EIF3E: variants seen among roughly 807,000 people sequenced by gnomAD.
The protein encoded by EIF3E is eIF-3 p48.
Under a neutral mutation model 59.3 loss-of-function variants are expected in EIF3E, and 25 were observed. That is an observed-to-expected ratio of 0.42 (90% CI 0.31 to 0.59). The LOEUF is 0.59. EIF3E is among the 20% of genes least tolerant of loss of function. The pLI is 0.15. For synonymous variants in EIF3E, 176 were observed against 170.2 expected (o/e 1.03, Z -0.26); for missense variants, 317 against 534.3 (o/e 0.59, Z 4.01).
At chr8:108,228,967 A>ATTT in intron 6 of EIF3E, 103 bp downstream of exon 6, 1 of 1,060,452 alleles carries the variant, frequency 9.4e-7, no homozygotes, top group Non-Finnish European at 1.3e-6. Flanking sequence ...GCTAATATGA[A>ATTT]TTTTTTTTTT....
chr8:108,217,792 T>C (rs1399911861), intron 7 of EIF3E, among the ~76,000 whole-genome samples: 3 of 152,194 alleles, frequency 2.0e-5, no homozygotes, highest in East Asian at 1.9e-4. Context: ...TACTAAGCGA[T>C]GACTTTCATT....
rs1013107036 is a variant in EIF3E, at chr8:108,217,588, A to G, written c.723-128T>C. 3 of 689,476 alleles carry G rather than the reference A, an allele frequency of 4.4e-6. No individual in the cohort carries two copies. In the African/African-American group the frequency reaches 5.6e-5, roughly 13 times the overall value. 42.7% of individuals were successfully genotyped at this position (689,476 alleles called of 1,614,324 possible). A position where few individuals can be genotyped will look rare whatever the true frequency, so the allele number is the denominator to read the frequency against. On this transcript the variant is annotated intron_variant, in intron 7 of 12. Coordinates refer to ENST00000220849, the MANE Select transcript of EIF3E (RefSeq NM_001568.3). ...CAAACACTTAAGAATGAGTATTATA[A>G]GAAAATCTCCTCCAAGGAAATTTAA...
rs183105749 is a variant in EIF3E, at chr8:108,240,215, G to T, written c.206-140C>A. 165 of 725,242 alleles carry T rather than the reference G, an allele frequency of 2.3e-4. No individual in the cohort carries two copies. The African/African-American group carries it at 2.6e-3, about 11-fold the overall frequency. The allele number at this position is 725,242 out of a possible 1,614,324, so 44.9% of individuals were successfully genotyped here. The stretch of plus-strand genomic sequence containing the variant: ...CCCCCAATATATTCATATGCCATGG[G>T]CTACTCAGTCAGAAATGTCCCCGAT... On this transcript the variant is annotated intron_variant, in intron 2 of 12. Coordinates refer to ENST00000220849, the MANE Select transcript of EIF3E (RefSeq NM_001568.3).
intron 10 of EIF3E, among the ~76,000 whole-genome samples, chr8:108,214,134 T>C (rs1815261286): frequency 6.6e-6 from 1 of 152,196 alleles, no homozygotes; most frequent in Admixed American, 6.5e-5. Context: ...TTTTCCATCT[T>C]TCAACATTTT....
chr8:108,224,691 A>T (rs1027711609), intron 7 of EIF3E, among the ~76,000 whole-genome samples: 3 of 151,610 alleles, frequency 2.0e-5, no homozygotes, highest in Non-Finnish European at 4.4e-5. Flanking sequence ...TGTTCAAAGA[A>T]AATAGTTCCA....
chr8:108,245,905 G>T (rs1338296247), intron 1 of EIF3E, among the ~76,000 whole-genome samples: 1 of 152,112 alleles, frequency 6.6e-6, no homozygotes, highest in Admixed American at 6.5e-5. Context: ...CAATGTAATA[G>T]TCTCCCCTTA....
At chr8:108,234,734 G>A (rs1815692878) in intron 5 of EIF3E, 1 of 260,264 alleles carries the variant, frequency 3.8e-6, no homozygotes, top group East Asian at 7.9e-5. Flanking sequence ...ATACGATTCT[G>A]TTAATGCTAA....
At chr8:108,239,733 A>G (rs951117113) in intron 3 of EIF3E, among the ~76,000 whole-genome samples, 1 of 152,194 alleles carries the variant, frequency 6.6e-6, no homozygotes. Flanking sequence ...ATCAGTATAG[A>G]TAAGTACTAA....
intron 10 of EIF3E, among the ~76,000 whole-genome samples, chr8:108,209,098 T>A (rs200013877): frequency 7.3e-5 from 11 of 151,518 alleles, no homozygotes; most frequent in Admixed American, 3.9e-4. Context: ...AAATTACAAA[T>A]AGAGTTATTT....
chr8:108,216,380 G>A (rs1330071171), intron 9 of EIF3E, 32 bp downstream of exon 9: 20 of 1,506,172 alleles, frequency 1.3e-5, no homozygotes, highest in Admixed American at 1.9e-5. Context: ...TTTAAGAATA[G>A]TATTAGTTTA....
At chr8:108,211,696 C>T (rs1000052394) in intron 10 of EIF3E, among the ~76,000 whole-genome samples, 32 of 152,098 alleles carry the variant, frequency 2.1e-4, no homozygotes, top group African/African-American at 6.3e-4. Context: ...TGTAATTACA[C>T]GCCTAAAAAA....
At position 108,217,327 on chromosome 8, in the gene EIF3E, GT is replaced by G; in HGVS notation, c.849+6del. 1 of 1,528,036 alleles carries G rather than the reference GT, an allele frequency of 6.5e-7. No individual in the cohort carries two copies. The highest frequency in any genetic ancestry group is 1.3e-5 in the South Asian group (1 of 79,144). 94.7% of individuals were successfully genotyped at this position (1,528,036 alleles called of 1,614,324 possible). On this transcript the variant is annotated splice_donor_region_variant and intron_variant, in intron 8 of 12. Coordinates refer to ENST00000220849, the MANE Select transcript of EIF3E (RefSeq NM_001568.3). ...AAAAAAAAAATCAATATATATTTTA[GT>G]TTTACCTGTTGAATAACTTTAACTA... is the stretch of plus-strand genomic sequence containing the variant.
rs769102507 is a variant in EIF3E at position 108,214,586 on chromosome 8, ATCAAATCACGG to A, written c.1061+10_1061+20del. On this transcript the variant is annotated intron_variant, in intron 10 of 12. Transcript: ENST00000220849. ...AGGAATTTTAAAGTAGAAAATCCAAATCAAATCACGGTGTTCTTACTTAATGCTGATACACT... is the reference window on the plus strand; with the variant it reads ...AGGAATTTTAAAGTAGAAAATCCAAATGTTCTTACTTAATGCTGATACACT... 1.3e-6 allele frequency: 2 copies of A among 1,533,788 alleles called. No individual in the cohort carries two copies. The highest frequency in any genetic ancestry group is 2.8e-5 in the African/African-American group (2 of 71,640).
intron 1 of EIF3E, chr8:108,242,591 ATGC>A (rs1815859402): frequency 8.6e-7 from 1 of 1,168,092 alleles, no homozygotes; most frequent in Non-Finnish European, 1.1e-6. Flanking sequence ...ATCCAAGAAA[ATGC>A]CACAATATTT....
chr8:108,217,360 T>A lies in EIF3E; in HGVS notation c.823A>T (p.Lys275Ter). 1 of 1,569,448 alleles carries A rather than the reference T, an allele frequency of 6.4e-7. No individual in the cohort carries two copies. Among genetic ancestry groups the A allele is most frequent in the Admixed American group, 1.8e-5 (1 of 55,326 alleles). ...KDVRKRRQVL[K>*]DLVKVIQQES... ...TGTTGAATAACTTTAACTAGATCTT[T>A]TAGAACCTGCCGACGTTTTCGAACA... Residue 275 changes from lysine (K) to a stop codon, truncating the protein, a stop_gained, in exon 8 of 13, where the codon AAA becomes TAA. Transcript: ENST00000220849. LOFTEE classifies it high-confidence loss of function.
intron 5 of EIF3E, among the ~76,000 whole-genome samples, chr8:108,233,840 A>C (rs1815672092): frequency 3.6e-5 from 1 of 27,974 alleles, no homozygotes; most frequent in Non-Finnish European, 8.1e-5. Context: ...CTGTCTCAAA[A>C]AAAAAAAAAA....
rs765274205 is a variant in EIF3E at position 108,203,045 on chromosome 8, A to G, written c.1237T>C (p.Phe413Leu). The change falls in exon 12 of 13, where the codon TTT (phenylalanine) becomes CTT (leucine). Residue 413 changes from phenylalanine (F) to leucine (L), a missense_variant. By Grantham distance (22) the Phe-to-Leu change is conservative. Transcript: ENST00000220849. ...TTCATGGCCAACATCTGGCTTCTAA[A>G]GGAAAGGCTTTTGGTCTTTTCAATC... The part of the protein sequence containing the change: ...QVIEKTKSLS[F>L]RSQMLAMNIE... 2.0e-5 allele frequency: 33 copies of G among 1,612,884 alleles called. No individual in the cohort carries two copies. Among genetic ancestry groups the G allele is most frequent in the Non-Finnish European group, 2.8e-5 (33 of 1,179,170 alleles).
At chr8:108,246,544 T>C (rs1397104857) in intron 1 of EIF3E, among the ~76,000 whole-genome samples, 1 of 152,290 alleles carries the variant, frequency 6.6e-6, no homozygotes, top group South Asian at 2.1e-4. Context: ...ATTTCTCAGT[T>C]ATATGGCCCT....
At position 108,211,854 on chromosome 8, in the gene EIF3E, T is replaced by C. The variant is rs545489241; in HGVS notation, c.1061+2753A>G. ...GTTTAGGGTGGCTATAGGGAGTTTATAAAACAAACTCTACAAAGATTCTGA... is the reference window on the plus strand; with the variant it reads ...GTTTAGGGTGGCTATAGGGAGTTTACAAAACAAACTCTACAAAGATTCTGA... On this transcript the variant is annotated intron_variant, in intron 10 of 12. Transcript: ENST00000220849. 7.9e-5 allele frequency among the ~76,000 whole-genome samples: 12 copies of C among 152,342 alleles called. No homozygotes were observed. The South Asian group carries it at 2.5e-3, about 32-fold the overall frequency.
Sources: gnomAD v4.1 joint callset for allele counts (sites outside exome capture counted in the v4.1 genomes callset) on GRCh38, gnomAD v4.1.1 for gene constraint, MANE v1.5 for transcripts, NCBI Gene and HGNC (gene_info 2026-07-23, HGNC 2026-07-21) for gene names.